BTD: variants seen among roughly 807,000 people sequenced by gnomAD.
BTD encodes the protein biocytinase.
Under a neutral mutation model 17.7 loss-of-function variants are expected in BTD, and 13 were observed. That is an observed-to-expected ratio of 0.74 (90% confidence interval 0.48 to 1.17). The LOEUF is 1.17. BTD is among the 50% of genes most tolerant of loss of function. BTD has a pLI of 0.00. For missense variants in BTD, 674 were observed against 650.4 expected, an observed-to-expected ratio of 1.04 and a Z score of -0.39; for synonymous variants, 240 against 245.2, an observed-to-expected ratio of 0.98 and a Z score of 0.20.
chr3:15,693,051 CA>C (rs1296360142), intron 3 of BTD, among the ~76,000 whole-genome samples: 3 of 152,034 alleles, frequency 2.0e-5, no homozygotes, highest in Non-Finnish European at 4.4e-5. Flanking sequence ...CTAGATTAGT[CA>C]AATTCATAGG....
chr3:15,658,202 TGGAG>T (rs1436774808), downstream of BTD, among the ~76,000 whole-genome samples: 1 of 145,530 alleles, frequency 6.9e-6, no homozygotes. Context: ...AAAAAGGAAA[TGGAG>T]GGAATTTCAG....
intron 1 of BTD, among the ~76,000 whole-genome samples, chr3:15,618,627 G>A (rs949139146): frequency 3.9e-5 from 6 of 152,128 alleles, no homozygotes; most frequent in Non-Finnish European, 7.4e-5. Context: ...CCGGGTTCAC[G>A]CCATTCTCCT....
At position 15,601,932 on chromosome 3, in the gene BTD, G is replaced by GTCCT. The variant is rs754199021; in HGVS notation, c.-17+39_-17+40insCCTT. On this transcript the variant is annotated intron_variant, in intron 1 of 3. Transcript: ENST00000643237. Reference sequence around the variant, plus strand: ...CGTGGTGCGGCGCGGAGGGGGTGTGGTAAGGGCGTGCGGTCCAGACCCCGC... The same window carrying GTCCT: ...CGTGGTGCGGCGCGGAGGGGGTGTGGTCCTTAAGGGCGTGCGGTCCAGACCCCGC... 19 of 1,611,736 alleles carry GTCCT rather than the reference G, an allele frequency of 1.2e-5. No homozygotes were observed. The Admixed American group carries it at 3.2e-4, about 27-fold the overall frequency.
chr3:15,706,025 C>T (rs2071319057), intron 3 of BTD, among the ~76,000 whole-genome samples: 1 of 140,920 alleles, frequency 7.1e-6, no homozygotes, highest in African/African-American at 2.7e-5. Flanking sequence ...CAACAAACAA[C>T]AAAAAAACCC....
intron 3 of BTD, 175 bp downstream of exon 3, chr3:15,642,232 A>G: frequency 6.8e-7 from 1 of 1,467,312 alleles, no homozygotes; most frequent in Non-Finnish European, 9.0e-7. Context: ...AGAATGTCTG[A>G]CGTTACAAGG....
At chr3:15,715,988 T>C (rs991062383), downstream of BTD, among the ~76,000 whole-genome samples, 13 of 151,920 alleles carry the variant, frequency 8.6e-5, no homozygotes, top group Non-Finnish European at 1.6e-4. Context: ...GGCCTTTTTT[T>C]TCTCTCTTTT....
chr3:15,712,196 AG>A, exon 4 of BTD: 3 of 1,585,922 alleles, frequency 1.9e-6, no homozygotes, highest in Non-Finnish European at 2.6e-6. Context: ...TGCCAAATGG[AG>A]GGGGAACATT....
At chr3:15,701,030 GA>G (rs1163357315) in intron 3 of BTD, among the ~76,000 whole-genome samples, 1 of 152,020 alleles carries the variant, frequency 6.6e-6, no homozygotes, top group Non-Finnish European at 1.5e-5. Context: ...ACTACCTGGG[GA>G]AAAAATTCTT....
intron 3 of BTD, among the ~76,000 whole-genome samples, chr3:15,675,188 T>C (rs2066807808): frequency 6.6e-6 from 1 of 152,052 alleles, no homozygotes; most frequent in African/African-American, 2.4e-5. Context: ...TGAGAATCGC[T>C]TGAACCCAGG....
chr3:15,715,417 T>A (rs949177546), downstream of BTD, among the ~76,000 whole-genome samples: 1 of 152,236 alleles, frequency 6.6e-6, no homozygotes, highest in African/African-American at 2.4e-5. Flanking sequence ...ACAACGCAGA[T>A]ATTCTTTAAA....
chr3:15,627,661 T>G (rs1338521961), intron 1 of BTD, among the ~76,000 whole-genome samples: 1 of 152,252 alleles, frequency 6.6e-6, no homozygotes, highest in Non-Finnish European at 1.5e-5. Flanking sequence ...TTTCATAATT[T>G]CTACTATCAT....
chr3:15,611,749 A>G lies in BTD; in HGVS notation c.-17+9855A>G, dbSNP rs538389774. 5.3e-5 allele frequency among the ~76,000 whole-genome samples: 8 copies of G among 152,006 alleles called. No individual in the cohort carries two copies. In the South Asian group the frequency reaches 1.7e-3, roughly 32 times the overall value. On this transcript the variant is annotated intron_variant, in intron 1 of 3. Coordinates refer to ENST00000643237, the MANE Select transcript of BTD (RefSeq NM_001370658.1). ...GCTGAGATTGCACCACTGCACTCCA[A>G]CCTGGGTGATGGCGTGAGACAGTCT...
chr3:15,637,226 C>G (rs2079312980), intron 2 of BTD, among the ~76,000 whole-genome samples: 1 of 152,042 alleles, frequency 6.6e-6, no homozygotes, highest in African/African-American at 2.4e-5. Context: ...CTGAAGACTT[C>G]CATGTTTTCT....
intron 3 of BTD, among the ~76,000 whole-genome samples, chr3:15,665,010 G>T (rs1316556690): frequency 6.6e-6 from 1 of 152,070 alleles, no homozygotes; most frequent in East Asian, 1.9e-4. Context: ...ATCATAAAAT[G>T]TTTTAAAAAA....
Position 15,601,823 on chromosome 3 carries a change from G to A in BTD, c.-88G>A. 6.2e-7 allele frequency: 1 copy of A among 1,614,218 alleles called. No homozygotes were observed. The highest frequency in any genetic ancestry group is 8.5e-7 in the Non-Finnish European group (1 of 1,180,036). ...GCCATTGTCTCCGAGTCGGCCAGCT[G>A]GAGCGTTTTCGGGGCTGTAAAGGGA... On this transcript the variant is annotated 5_prime_UTR_variant, in exon 1 of 4. Transcript: ENST00000643237.
In BTD at chr3:15,645,593, G is replaced by A; in HGVS notation, c.*105G>A. On this transcript the variant is annotated 3_prime_UTR_variant, in exon 4 of 4. Transcript: ENST00000643237. Reference sequence around the variant, plus strand: ...CCATCTTTCTGCCTTAAGGGCAGGAGCCCACTTCTGTGGCACCAGATTCCA... The same window carrying A: ...CCATCTTTCTGCCTTAAGGGCAGGAACCCACTTCTGTGGCACCAGATTCCA... 1 of 1,343,670 alleles carries A rather than the reference G, an allele frequency of 7.4e-7. No individual in the cohort carries two copies. Among genetic ancestry groups the A allele is most frequent in the Non-Finnish European group, 1.0e-6 (1 of 979,254 alleles). The allele number at this position is 1,343,670 out of a possible 1,614,324, so 83.2% of individuals were successfully genotyped here.
chr3:15,680,130 TGG>T (rs1232908097), intron 3 of BTD, among the ~76,000 whole-genome samples: 1 of 152,102 alleles, frequency 6.6e-6, no homozygotes, highest in East Asian at 1.9e-4. Context: ...TTAATGGCAA[TGG>T]GATGTTTAAT....
chr3:15,665,572 C>G (rs538941426), intron 3 of BTD, among the ~76,000 whole-genome samples: 1 of 152,310 alleles, frequency 6.6e-6, no homozygotes, highest in African/African-American at 2.4e-5. Flanking sequence ...GAAAGGCTAC[C>G]AAGCATTCCC....
At chr3:15,708,450 A>C (rs1479725177) in intron 3 of BTD, among the ~76,000 whole-genome samples, 2 of 152,128 alleles carry the variant, frequency 1.3e-5, no homozygotes. Flanking sequence ...ATTTCTATTC[A>C]TGTCTCAGAA....
Sources: gnomAD v4.1 joint callset for allele counts (sites outside exome capture counted in the v4.1 genomes callset) on GRCh38, gnomAD v4.1.1 for gene constraint, MANE v1.5 for transcripts, NCBI Gene and HGNC (gene_info 2026-07-23, HGNC 2026-07-21) for gene names.